Variants in EXOC6 observed in about 807,000 individuals in gnomAD.
EXOC6 encodes SEC15-like 1.
EXOC6 carries 60 observed loss-of-function variants against 112.5 expected under a neutral mutation model. That is an observed-to-expected ratio of 0.53 (90% CI 0.43 to 0.66). The LOEUF (loss-of-function observed/expected upper bound fraction) is 0.66, where lower values mean the gene tolerates loss of function less well. EXOC6 is among the 30% of genes least tolerant of loss of function. The pLI is 0.00. For synonymous variants in EXOC6, 295 were observed against 308.0 expected (o/e 0.96, Z 0.44); for missense variants, 855 against 957.1 (o/e 0.89, Z 1.41).
chr10:93,050,789 TTGAATCCGGGAGGAGA>T (rs1237077472), intron 20 of EXOC6, among the ~76,000 whole-genome samples: 4 of 34,146 alleles, frequency 1.2e-4, no homozygotes, highest in Non-Finnish European at 2.0e-4. Context: ...AAAGAATTGC[TTGAATCCGGGAGGAGA>T]AGGTTGCAGT....
chr10:92,928,235 T>G (rs1851830989), intron 8 of EXOC6, 104 bp from the exon 9 acceptor site: 1 of 601,280 alleles, frequency 1.7e-6, no homozygotes, highest in South Asian at 2.4e-5. Flanking sequence ...AACATTTACA[T>G]TCTAGTTAGA....
chr10:93,008,319 CTT>C (rs1232804308), intron 19 of EXOC6, among the ~76,000 whole-genome samples: 1 of 152,112 alleles, frequency 6.6e-6, no homozygotes, highest in East Asian at 1.9e-4. Flanking sequence ...TTTGGAATCT[CTT>C]AAAAAAGAAC....
chr10:92,900,142 G>A (rs1850078070), intron 5 of EXOC6: 1 of 152,522 alleles, frequency 6.6e-6, no homozygotes. Context: ...AAGACGAACA[G>A]TTTTGGCCAG....
intron 19 of EXOC6, among the ~76,000 whole-genome samples, chr10:93,009,643 G>A (rs1362713281): frequency 6.6e-6 from 1 of 152,176 alleles, no homozygotes; most frequent in East Asian, 1.9e-4. Flanking sequence ...CAAGGAAGAC[G>A]ATGATTGAAG....
At chr10:93,001,850 C>A (rs536010490) in intron 19 of EXOC6, among the ~76,000 whole-genome samples, 12 of 152,280 alleles carry the variant, frequency 7.9e-5, no homozygotes, top group Non-Finnish European at 1.6e-4. Flanking sequence ...GGCCAGACAT[C>A]AATAATTCCT....
chr10:92,843,354 C>T (rs1846926777), intron 1 of EXOC6, among the ~76,000 whole-genome samples: 1 of 152,158 alleles, frequency 6.6e-6, no homozygotes, highest in Admixed American at 6.5e-5. Flanking sequence ...TGGCTAAAAG[C>T]CACTGGGAAG....
Position 92,962,926 on chromosome 10 carries a change from T to G in EXOC6, c.1773+7212T>G, listed in dbSNP as rs144188725. Among the ~76,000 whole-genome samples the G allele has an allele frequency of 3.2e-3, 485 of 152,314 alleles. 7 individuals carry two copies. The highest frequency in any genetic ancestry group is 0.011 in the African/African-American group (457 of 41,562). Reference sequence around the variant, plus strand: ...ACTTAAACTCTATAATGATCCTGCCTACGGTAAATACCCTGCCTGCCATAC... The same window carrying G: ...ACTTAAACTCTATAATGATCCTGCCGACGGTAAATACCCTGCCTGCCATAC... On this transcript the variant is annotated intron_variant, in intron 17 of 21. Transcript: ENST00000260762.
chr10:92,930,638 T>C (rs564211754), intron 9 of EXOC6, among the ~76,000 whole-genome samples: 175 of 152,108 alleles, frequency 1.2e-3, no homozygotes, highest in African/African-American at 3.9e-3. Context: ...TTAAAGGGGA[T>C]CATCGACCTA....
At chr10:92,944,178 T>C (rs1852835660) in intron 13 of EXOC6, among the ~76,000 whole-genome samples, 1 of 152,216 alleles carries the variant, frequency 6.6e-6, no homozygotes, top group Non-Finnish European at 1.5e-5. Context: ...TTGTGAATAA[T>C]TCTGCAGTGA....
chr10:92,921,122 T>C (rs557122308), intron 8 of EXOC6, among the ~76,000 whole-genome samples: 1 of 152,370 alleles, frequency 6.6e-6, no homozygotes, highest in African/African-American at 2.4e-5. Flanking sequence ...ATGTCTGCTC[T>C]GATGTTTGCC....
intron 5 of EXOC6, among the ~76,000 whole-genome samples, chr10:92,908,580 A>G (rs1850571130): frequency 6.6e-6 from 1 of 152,216 alleles, no homozygotes; most frequent in South Asian, 2.1e-4. Flanking sequence ...ATAGTTTGGT[A>G]AGGTCTCAGT....
At chr10:92,951,944 T>C (rs17108007) in intron 14 of EXOC6, among the ~76,000 whole-genome samples, 1,624 of 152,210 alleles carry the variant, frequency 0.011, 34 homozygotes, top group African/African-American at 0.037. Context: ...GTATGATAAA[T>C]ACACAAAGAA....
At chr10:92,972,643 C>A (rs1449398556) in intron 17 of EXOC6, among the ~76,000 whole-genome samples, 1 of 152,130 alleles carries the variant, frequency 6.6e-6, no homozygotes, top group African/African-American at 2.4e-5. Context: ...AAATCTATCA[C>A]CATGTTGAGT....
chr10:92,866,645 T>G (rs1026174900), intron 1 of EXOC6, among the ~76,000 whole-genome samples: 1 of 152,056 alleles, frequency 6.6e-6, no homozygotes. Flanking sequence ...TTAAATATTA[T>G]GTAGGGTAAT....
Position 92,852,681 on chromosome 10 carries a change from C to T in EXOC6, c.101+4047C>T, listed in dbSNP as rs565046817. On this transcript the variant is annotated intron_variant, in intron 1 of 21. Transcript: ENST00000260762. ...ATTAAACAAAGAAAAGTTGTATGAT[C>T]ATATATGTGGAGAAAGCATTGACAA... Among the ~76,000 whole-genome samples the T allele has an allele frequency of 3.9e-4, 60 of 152,222 alleles. 1 individual carries two copies. In the South Asian group the frequency reaches 0.012, roughly 32 times the overall value.
intron 9 of EXOC6, among the ~76,000 whole-genome samples, chr10:92,928,772 T>G (rs1851861084): frequency 1.3e-5 from 2 of 151,780 alleles, no homozygotes; most frequent in Admixed American, 1.3e-4. Flanking sequence ...AGATGCTAGA[T>G]AGACATTTAA....
At chr10:92,966,290 T>A (rs866328308) in intron 17 of EXOC6, among the ~76,000 whole-genome samples, 3,868 of 147,186 alleles carry the variant, frequency 0.026, 82 homozygotes, top group African/African-American at 0.055. Context: ...TAATTATTAT[T>A]ATTATTATTA....
intron 20 of EXOC6, among the ~76,000 whole-genome samples, chr10:93,046,829 C>T (rs1036399354): frequency 3.9e-5 from 6 of 152,078 alleles, no homozygotes; most frequent in Non-Finnish European, 8.8e-5. Context: ...AACTCCTGAC[C>T]TCAGGTGGTC....
At chr10:92,959,985 A>G (rs764416315) in intron 17 of EXOC6, among the ~76,000 whole-genome samples, 32 of 152,224 alleles carry the variant, frequency 2.1e-4, no homozygotes, top group Non-Finnish European at 4.0e-4. Context: ...GTCTTACCAT[A>G]TGATGCAGCA....
Sources: gnomAD v4.1 joint callset for allele counts (sites outside exome capture counted in the v4.1 genomes callset) on GRCh38, gnomAD v4.1.1 for gene constraint, MANE v1.5 for transcripts, NCBI Gene and HGNC (gene_info 2026-07-23, HGNC 2026-07-21) for gene names.